Variants in PCDH9 observed in about 807,000 individuals in gnomAD.
PCDH9 encodes the protein protocadherin 9.
Under a neutral mutation model 70.6 loss-of-function variants are expected in PCDH9, and 24 were observed. The ratio of observed to expected loss-of-function variants is 0.34; its 90% CI spans 0.25 to 0.48. The LOEUF is 0.48. PCDH9 is among the 20% of genes least tolerant of loss of function. The pLI is 0.99. For synonymous variants in PCDH9, 562 were observed against 558.5 expected (o/e 1.01, Z -0.09); for missense variants, 1,281 against 1,503.6 (o/e 0.85, Z 2.45).
At chr13:66,947,440 T>A (rs556485852) in intron 2 of PCDH9, among the ~76,000 whole-genome samples, 2 of 152,234 alleles carry the variant, frequency 1.3e-5, no homozygotes, top group Non-Finnish European at 2.9e-5. Context: ...TACCCCTTAT[T>A]ATGAGTGTAA....
chr13:66,432,852 A>G (rs1358704088), intron 4 of PCDH9, among the ~76,000 whole-genome samples: 1 of 151,992 alleles, frequency 6.6e-6, no homozygotes, highest in Non-Finnish European at 1.5e-5. Context: ...ACCAAATAGC[A>G]CCCTACTGGC....
chr13:66,862,247 G>T (rs1325879975), intron 3 of PCDH9, among the ~76,000 whole-genome samples: 1 of 152,146 alleles, frequency 6.6e-6, no homozygotes, highest in East Asian at 1.9e-4. Context: ...TTCTTATCTT[G>T]TGAGTGTTCT....
intron 3 of PCDH9, among the ~76,000 whole-genome samples, chr13:66,876,535 G>T (rs1183397641): frequency 6.6e-6 from 1 of 152,104 alleles, no homozygotes; most frequent in Non-Finnish European, 1.5e-5. Flanking sequence ...TGAATTTGAG[G>T]AAATGCCTGT....
intron 3 of PCDH9, among the ~76,000 whole-genome samples, chr13:66,819,763 G>A (rs1191292330): frequency 2.0e-5 from 3 of 152,062 alleles, no homozygotes; most frequent in African/African-American, 7.2e-5. Context: ...GTGCATGGTG[G>A]CACCTGCCTC....
At chr13:67,015,156 T>C (rs2084534493) in intron 2 of PCDH9, among the ~76,000 whole-genome samples, 2 of 152,136 alleles carry the variant, frequency 1.3e-5, no homozygotes, top group Non-Finnish European at 2.9e-5. Flanking sequence ...ACTGTCTGCA[T>C]TGGTAACTCT....
chr13:66,929,225 C>A (rs887833368), intron 2 of PCDH9, among the ~76,000 whole-genome samples: 1 of 151,332 alleles, frequency 6.6e-6, no homozygotes, highest in Non-Finnish European at 1.5e-5. Context: ...CTTATAAAAC[C>A]CTATTTACTA....
At chr13:67,093,282 C>T (rs1159375278) in intron 2 of PCDH9, among the ~76,000 whole-genome samples, 1 of 151,966 alleles carries the variant, frequency 6.6e-6, no homozygotes, top group African/African-American at 2.4e-5. Flanking sequence ...TGGTGAAACC[C>T]CATCTCTACT....
intron 2 of PCDH9, chr13:67,224,119 T>C (rs1566507680): frequency 6.6e-6 from 1 of 152,116 alleles, no homozygotes; most frequent in Non-Finnish European, 1.5e-5. Context: ...TTCTGCAAAC[T>C]AATTTTGCTT....
At chr13:66,607,469 A>G (rs2077235649) in intron 4 of PCDH9, among the ~76,000 whole-genome samples, 1 of 152,100 alleles carries the variant, frequency 6.6e-6, no homozygotes, top group Non-Finnish European at 1.5e-5. Flanking sequence ...GTAAAACATT[A>G]TAGAGCCCCT....
intron 4 of PCDH9, among the ~76,000 whole-genome samples, chr13:66,616,959 A>C (rs2138887264): frequency 6.6e-6 from 1 of 152,304 alleles, no homozygotes; most frequent in East Asian, 1.9e-4. Context: ...AGGAATCCAG[A>C]GCCACATGGT....
chr13:66,737,853 G>A (rs1012578242), intron 3 of PCDH9, among the ~76,000 whole-genome samples: 2 of 152,150 alleles, frequency 1.3e-5, no homozygotes, highest in Admixed American at 6.5e-5. Context: ...CTACGCCCAT[G>A]GAATCTCGTT....
intron 2 of PCDH9, among the ~76,000 whole-genome samples, chr13:67,123,915 G>T (rs2086924686): frequency 6.6e-6 from 1 of 151,684 alleles, no homozygotes; most frequent in Admixed American, 6.6e-5. Context: ...TTAGTGAGAT[G>T]AGAGACTCAC....
At chr13:66,695,873 AT>A (rs944216982) in intron 3 of PCDH9, among the ~76,000 whole-genome samples, 4 of 152,164 alleles carry the variant, frequency 2.6e-5, no homozygotes, top group African/African-American at 7.2e-5. Context: ...CTATTTTAAT[AT>A]TTTTTAAGTG....
chr13:66,987,536 T>TA (rs2083916889), intron 2 of PCDH9, among the ~76,000 whole-genome samples: 1 of 152,054 alleles, frequency 6.6e-6, no homozygotes, highest in South Asian at 2.1e-4. Context: ...TAATATGTAT[T>TA]ATATTAATAA....
chr13:67,132,192 A>C (rs947381670), intron 2 of PCDH9, among the ~76,000 whole-genome samples: 2 of 152,176 alleles, frequency 1.3e-5, no homozygotes, highest in Non-Finnish European at 2.9e-5. Context: ...GTCTATAAAA[A>C]CAAGAAAAGA....
intron 4 of PCDH9, among the ~76,000 whole-genome samples, chr13:66,461,148 T>A (rs1168784612): frequency 6.6e-6 from 1 of 151,852 alleles, no homozygotes; most frequent in East Asian, 1.9e-4. Context: ...GTTCCTAAGA[T>A]ATCACTAGCA....
intron 3 of PCDH9, among the ~76,000 whole-genome samples, chr13:66,700,838 T>C (rs995119920): frequency 8.7e-5 from 13 of 149,722 alleles, no homozygotes; most frequent in African/African-American, 3.2e-4. Context: ...ATCTAGAAGC[T>C]ATTTTCTTTC....
At chr13:66,816,304 G>C (rs1021002259) in intron 3 of PCDH9, among the ~76,000 whole-genome samples, 2 of 152,096 alleles carry the variant, frequency 1.3e-5, no homozygotes, top group African/African-American at 2.4e-5. Context: ...TAGATTAGAT[G>C]GCACAGGTGT....
intron 4 of PCDH9, among the ~76,000 whole-genome samples, chr13:66,372,746 T>C (rs1251483525): frequency 6.6e-6 from 1 of 151,796 alleles, no homozygotes; most frequent in Non-Finnish European, 1.5e-5. Flanking sequence ...ATAAGCATGA[T>C]AGCATCAGAA....
Sources: allele counts gnomAD v4.1 joint callset (sites outside exome capture counted in the v4.1 genomes callset), GRCh38; gene constraint gnomAD v4.1.1; transcripts MANE v1.5; gene names NCBI Gene and HGNC (gene_info 2026-07-23, HGNC 2026-07-21).